CLVS2: variants seen among roughly 807,000 people sequenced by gnomAD.
CLVS2 encodes clavesin 2, also known as clavesin-2.
A neutral mutation model predicts 29.0 loss-of-function variants in CLVS2; 19 were observed. That is an observed-to-expected ratio of 0.66 (90% CI 0.46 to 0.96). The LOEUF (loss-of-function observed/expected upper bound fraction) is 0.96, where lower values mean the gene tolerates loss of function less well. CLVS2 is among the 40% of genes least tolerant of loss of function. CLVS2 has a pLI of 0.00. For synonymous variants in CLVS2, 161 were observed against 151.3 expected, an observed-to-expected ratio of 1.06 and a Z score of -0.47; for missense variants, 294 against 404.1, an observed-to-expected ratio of 0.73 and a Z score of 2.34.
intron 3 of CLVS2, among the ~76,000 whole-genome samples, chr6:123,028,871 A>G (rs147904630): frequency 6.6e-6 from 1 of 152,272 alleles, no homozygotes; most frequent in African/African-American, 2.4e-5. Flanking sequence ...TTTATCGTCA[A>G]TGCTAGGGAC....
At chr6:123,004,144 C>T (rs376718390) in intron 2 of CLVS2, among the ~76,000 whole-genome samples, 10 of 152,146 alleles carry the variant, frequency 6.6e-5, no homozygotes, top group African/African-American at 2.4e-4. Context: ...AAGTCAAAGA[C>T]TTTAGTTAAC....
At chr6:123,016,023 T>C (rs796273681) in intron 3 of CLVS2, among the ~76,000 whole-genome samples, 86 of 56,926 alleles carry the variant, frequency 1.5e-3, no homozygotes, top group African/African-American at 5.0e-3. Context: ...ACATCAGACT[T>C]TTTTTTTTTT....
At chr6:123,044,534 AG>A (rs1037314934) in intron 3 of CLVS2, among the ~76,000 whole-genome samples, 12 of 151,924 alleles carry the variant, frequency 7.9e-5, no homozygotes, top group African/African-American at 2.9e-4. Context: ...AAAAAAAACA[AG>A]GGAGGATAAG....
At chr6:122,998,187 T>C in intron 2 of CLVS2, 21 bp downstream of exon 2, 1 of 1,598,724 alleles carries the variant, frequency 6.3e-7, no homozygotes, top group Non-Finnish European at 8.5e-7. Context: ...AATCCAAACT[T>C]GTATTCTCCT....
intron 2 of CLVS2, among the ~76,000 whole-genome samples, chr6:123,005,344 C>T (rs900174426): frequency 5.9e-5 from 9 of 152,094 alleles, no homozygotes; most frequent in African/African-American, 2.2e-4. Context: ...TAATTTTTCT[C>T]CTTTTTTCCC....
chr6:123,006,143 C>T (rs956438933), intron 2 of CLVS2, among the ~76,000 whole-genome samples: 2 of 152,142 alleles, frequency 1.3e-5, no homozygotes, highest in African/African-American at 2.4e-5. Flanking sequence ...GACAATCTTG[C>T]AGAGCAGGGA....
At chr6:123,038,726 T>A (rs1396605577) in intron 3 of CLVS2, among the ~76,000 whole-genome samples, 1 of 152,130 alleles carries the variant, frequency 6.6e-6, no homozygotes, top group Non-Finnish European at 1.5e-5. Flanking sequence ...TCATTAGGAA[T>A]TCTTTGAAAA....
At chr6:123,035,717 G>T (rs1775144457) in intron 3 of CLVS2, among the ~76,000 whole-genome samples, 1 of 152,048 alleles carries the variant, frequency 6.6e-6, no homozygotes, top group African/African-American at 2.4e-5. Flanking sequence ...GTTCAGTTAG[G>T]TATCAAGGGT....
At chr6:123,026,645 TC>T (rs1316890553) in intron 3 of CLVS2, among the ~76,000 whole-genome samples, 1 of 152,102 alleles carries the variant, frequency 6.6e-6, no homozygotes, top group Non-Finnish European at 1.5e-5. Flanking sequence ...ATATCAGACA[TC>T]TTTTGAAAAG....
At chr6:123,052,900 G>T (rs1043288959) in intron 4 of CLVS2, among the ~76,000 whole-genome samples, 1 of 149,740 alleles carries the variant, frequency 6.7e-6, no homozygotes, top group African/African-American at 2.5e-5. Context: ...TGAAAAAGGG[G>T]CCTGGATTCA....
intron 3 of CLVS2, among the ~76,000 whole-genome samples, chr6:123,041,912 C>T (rs1775239448): frequency 6.6e-6 from 1 of 152,004 alleles, no homozygotes; most frequent in African/African-American, 2.4e-5. Context: ...AAGATTTTAG[C>T]ATCTGAGAGG....
intron 3 of CLVS2, among the ~76,000 whole-genome samples, chr6:123,028,845 C>T (rs1038418969): frequency 1.4e-4 from 21 of 152,244 alleles, no homozygotes; most frequent in East Asian, 1.2e-3. Flanking sequence ...CTTCTAAACT[C>T]GCAACATTTT....
intron 5 of CLVS2, among the ~76,000 whole-genome samples, chr6:123,058,915 C>G (rs1039885391): frequency 5.9e-5 from 9 of 152,180 alleles, no homozygotes; most frequent in African/African-American, 1.9e-4. Flanking sequence ...GCCTCAGCCT[C>G]TCAAAGCACT....
rs533081512 is a variant in CLVS2, at chr6:123,052,543, A to G, written c.676-3263A>G. ...AGGTGGAAGAGTGGATATAGAGAGGACAGTTAGGAGGCTCATGCAAGAGCA... is the reference window on the plus strand; with the variant it reads ...AGGTGGAAGAGTGGATATAGAGAGGGCAGTTAGGAGGCTCATGCAAGAGCA... On this transcript the variant is annotated intron_variant, in intron 4 of 5. Coordinates refer to ENST00000275162, the MANE Select transcript of CLVS2 (RefSeq NM_001010852.4). Among the ~76,000 whole-genome samples, 7 of 152,238 alleles carry G rather than the reference A, an allele frequency of 4.6e-5. No homozygotes were observed. In the South Asian group the frequency reaches 1.4e-3, roughly 32 times the overall value.
At chr6:123,001,712 G>T (rs1168193353) in intron 2 of CLVS2, among the ~76,000 whole-genome samples, 1 of 152,106 alleles carries the variant, frequency 6.6e-6, no homozygotes, top group Admixed American at 6.6e-5. Context: ...ACCTTCAAAT[G>T]GTTCGCAGGA....
chr6:123,057,538 G>A (rs774179150), intron 5 of CLVS2, among the ~76,000 whole-genome samples: 1 of 151,780 alleles, frequency 6.6e-6, no homozygotes, highest in Non-Finnish European at 1.5e-5. Flanking sequence ...GTGGGACAGG[G>A]TTTCACCATC....
intron 5 of CLVS2, among the ~76,000 whole-genome samples, chr6:123,061,025 G>T (rs1241964786): frequency 6.6e-6 from 1 of 152,220 alleles, no homozygotes; most frequent in Non-Finnish European, 1.5e-5. Context: ...GATGGGCTGG[G>T]CACAGTGGCC....
chr6:123,011,940 G>T (rs1774753914), intron 3 of CLVS2, among the ~76,000 whole-genome samples: 1 of 151,994 alleles, frequency 6.6e-6, no homozygotes, highest in South Asian at 2.1e-4. Context: ...GGGCATCAAT[G>T]TTGAGTAAGC....
chr6:123,054,178 A>G (rs1054783149), intron 4 of CLVS2, among the ~76,000 whole-genome samples: 6 of 152,228 alleles, frequency 3.9e-5, no homozygotes, highest in Non-Finnish European at 8.8e-5. Flanking sequence ...ATTTGATAAA[A>G]TAAAAGTTAT....
Sources: allele counts gnomAD v4.1 joint callset (sites outside exome capture counted in the v4.1 genomes callset), GRCh38; gene constraint gnomAD v4.1.1; transcripts MANE v1.5; gene names NCBI Gene and HGNC (gene_info 2026-07-23, HGNC 2026-07-21).